Variants in BACH2 observed in about 807,000 individuals in gnomAD.
BACH2 encodes transcription regulator protein BACH2.
BACH2 carries 5 observed loss-of-function variants against 61.8 expected under a neutral mutation model. That is an observed-to-expected ratio of 0.08 (90% CI 0.04 to 0.17). The LOEUF (loss-of-function observed/expected upper bound fraction) is 0.17. BACH2 is among the 10% of genes least tolerant of loss of function. The pLI is 1.00. For synonymous variants in BACH2, 446 were observed against 440.1 expected, an observed-to-expected ratio of 1.01 and a Z score of -0.17; for missense variants, 824 against 1,091.1, an observed-to-expected ratio of 0.76 and a Z score of 3.45.
chr6:90,076,722 C>T (rs918367375), intron 5 of BACH2, among the ~76,000 whole-genome samples: 7 of 152,248 alleles, frequency 4.6e-5, no homozygotes, highest in Admixed American at 6.5e-5. Context: ...TCCACCGTGT[C>T]GTGGCCTGAC....
chr6:89,970,466 G>A (rs1226344188), intron 6 of BACH2, among the ~76,000 whole-genome samples: 1 of 152,202 alleles, frequency 6.6e-6, no homozygotes, highest in Non-Finnish European at 1.5e-5. Flanking sequence ...ACTATTAACA[G>A]AACAGATTGG....
intron 4 of BACH2, among the ~76,000 whole-genome samples, chr6:90,205,106 C>T (rs974747585): frequency 6.6e-6 from 1 of 152,162 alleles, no homozygotes; most frequent in Non-Finnish European, 1.5e-5. Context: ...GCCCTTCGTG[C>T]CCATGAGAAG....
intron 5 of BACH2, among the ~76,000 whole-genome samples, chr6:90,087,680 C>A (rs1554243294): frequency 6.6e-6 from 1 of 151,936 alleles, no homozygotes; most frequent in Non-Finnish European, 1.5e-5. Flanking sequence ...CCTGGACTTG[C>A]TGGCTTGAGT....
intron 5 of BACH2, among the ~76,000 whole-genome samples, chr6:90,013,329 C>A (rs1362954190): frequency 6.6e-6 from 1 of 152,026 alleles, no homozygotes; most frequent in Non-Finnish European, 1.5e-5. Flanking sequence ...GACTAAATAT[C>A]CTTGCTTTCC....
intron 3 of BACH2, among the ~76,000 whole-genome samples, chr6:90,217,534 TTTTC>T (rs1217831155): frequency 1.3e-5 from 2 of 152,170 alleles, no homozygotes; most frequent in African/African-American, 4.8e-5. Flanking sequence ...CCATTTCTGT[TTTTC>T]TTTCTGTTTT....
At chr6:90,242,614 G>T (rs942631283) in intron 3 of BACH2, among the ~76,000 whole-genome samples, 1 of 152,154 alleles carries the variant, frequency 6.6e-6, no homozygotes, top group African/African-American at 2.4e-5. Flanking sequence ...ATGCGTAGTT[G>T]CTGAATTGTA....
At chr6:90,055,176 A>C (rs751243603) in intron 5 of BACH2, among the ~76,000 whole-genome samples, 1 of 150,708 alleles carries the variant, frequency 6.6e-6, no homozygotes, top group Non-Finnish European at 1.5e-5. Context: ...AACTACTCTG[A>C]GCTACAGGAG....
intron 4 of BACH2, among the ~76,000 whole-genome samples, chr6:90,188,842 T>A (rs1468707165): frequency 6.7e-6 from 1 of 149,208 alleles, no homozygotes; most frequent in African/African-American, 2.5e-5. Flanking sequence ...AAAAACAACA[T>A]CAGTTTCCAA....
intron 3 of BACH2, among the ~76,000 whole-genome samples, chr6:90,247,709 C>A (rs1770682794): frequency 6.6e-6 from 1 of 152,164 alleles, no homozygotes; most frequent in African/African-American, 2.4e-5. Context: ...CCCTATGCTT[C>A]AGTTAAAAAG....
intron 5 of BACH2, among the ~76,000 whole-genome samples, chr6:90,085,497 C>T (rs145937031): frequency 1.3e-5 from 2 of 152,274 alleles, no homozygotes; most frequent in African/African-American, 2.4e-5. Context: ...CTTTCCTTCG[C>T]CCCAGTGAAG....
intron 5 of BACH2, among the ~76,000 whole-genome samples, chr6:90,073,259 A>G (rs1437752544): frequency 6.6e-6 from 1 of 152,100 alleles, no homozygotes; most frequent in East Asian, 1.9e-4. Context: ...AGATCACCTC[A>G]GCTTTCCCTC....
At chr6:90,163,274 C>A (rs577171434) in intron 4 of BACH2, among the ~76,000 whole-genome samples, 2 of 152,224 alleles carry the variant, frequency 1.3e-5, no homozygotes, top group African/African-American at 4.8e-5. Flanking sequence ...ACCACAGTGG[C>A]GTTTTTTTAC....
chr6:90,090,535 T>C (rs4707599), intron 4 of BACH2, among the ~76,000 whole-genome samples: 55,544 of 152,040 alleles, frequency 0.37, 11,379 homozygotes, highest in East Asian at 0.82. Flanking sequence ...TCAATGATGA[T>C]CAAATGTAAG....
At chr6:90,135,118 G>A (rs184005973) in intron 4 of BACH2, among the ~76,000 whole-genome samples, 10 of 152,250 alleles carry the variant, frequency 6.6e-5, no homozygotes, top group Admixed American at 3.3e-4. Flanking sequence ...ATTTTCTTCC[G>A]AATGGAGAAT....
intron 6 of BACH2, among the ~76,000 whole-genome samples, chr6:89,962,215 T>A (rs1774784783): frequency 6.6e-6 from 1 of 152,230 alleles, no homozygotes; most frequent in African/African-American, 2.4e-5. Context: ...CTTTACTTCA[T>A]CCAGTCTGGG....
intron 6 of BACH2, among the ~76,000 whole-genome samples, chr6:90,000,248 C>G (rs1777063757): frequency 6.6e-6 from 1 of 152,164 alleles, no homozygotes; most frequent in Non-Finnish European, 1.5e-5. Flanking sequence ...GACTGAGGAC[C>G]ACATTTCAGG....
chr6:90,249,339 T>C (rs951256982), intron 3 of BACH2, among the ~76,000 whole-genome samples: 4 of 152,180 alleles, frequency 2.6e-5, no homozygotes, highest in South Asian at 4.1e-4. Context: ...CTTCCTCCCA[T>C]AACTGCAAAG....
intron 6 of BACH2, among the ~76,000 whole-genome samples, chr6:89,995,678 T>C (rs1161267769): frequency 3.3e-5 from 5 of 152,206 alleles, no homozygotes; most frequent in African/African-American, 1.2e-4. Flanking sequence ...CACCTGTACC[T>C]GAATTTGTTC....
At chr6:90,246,530 C>T (rs1272536459) in intron 3 of BACH2, among the ~76,000 whole-genome samples, 1 of 151,996 alleles carries the variant, frequency 6.6e-6, no homozygotes, top group Non-Finnish European at 1.5e-5. Context: ...TATTAAGATA[C>T]ATACATTCAC....
Sources: gnomAD v4.1 joint callset for allele counts (sites outside exome capture counted in the v4.1 genomes callset) on GRCh38, gnomAD v4.1.1 for gene constraint, MANE v1.5 for transcripts, NCBI Gene and HGNC (gene_info 2026-07-23, HGNC 2026-07-21) for gene names.